DEUP1: variants seen among roughly 807,000 people sequenced by gnomAD.
The protein encoded by DEUP1 is deuterosome assembly protein 1, also known as coiled-coil domain containing 67.
In DEUP1, 82 loss-of-function variants were observed where a neutral mutation model predicts 87.4. That is an observed-to-expected ratio of 0.94 (90% confidence interval 0.78 to 1.13). The LOEUF is 1.13. DEUP1 is among the 50% of genes most tolerant of loss of function. The pLI is 0.00. For synonymous variants in DEUP1, 214 were observed against 222.7 expected, an observed-to-expected ratio of 0.96 and a Z score of 0.35; for missense variants, 663 against 681.5, an observed-to-expected ratio of 0.97 and a Z score of 0.30.
upstream of DEUP1, chr11:93,330,226 GCCACTT>G (rs1254490181): frequency 6.6e-6 from 1 of 152,154 alleles, no homozygotes; most frequent in African/African-American, 2.4e-5. Context: ...TCTTTTTCAT[GCCACTT>G]CAAATTTGGG....
intron 2 of DEUP1, among the ~76,000 whole-genome samples, chr11:93,348,239 T>C (rs1565296762): frequency 6.6e-6 from 1 of 152,194 alleles, no homozygotes; most frequent in Non-Finnish European, 1.5e-5. Flanking sequence ...TCTCTTTTCT[T>C]CTTTGTCTAG....
At position 93,437,743 on chromosome 11, in the gene DEUP1, T is replaced by TCCCCCCCCCCCCC. The variant is rs5793640; in HGVS notation, c.*33_*34insCCCCCCCCCCCCC. The TCCCCCCCCCCCCC allele has an allele frequency of 3.5e-6, 3 of 862,312 alleles. No individual in the cohort carries two copies. Among genetic ancestry groups the TCCCCCCCCCCCCC allele is most frequent in the African/African-American group, 4.1e-5 (2 of 48,994 alleles). The allele number at this position is 862,312 out of a possible 1,614,324, so 53.4% of individuals were successfully genotyped here. On this transcript the variant is annotated 3_prime_UTR_variant, in exon 14 of 14. Coordinates refer to ENST00000298050, the MANE Select transcript of DEUP1 (RefSeq NM_181645.4). ...GAGCTTTTAAACTTTTTTATTTGCT[T>TCCCCCCCCCCCCC]CCCCCCCCCACCCCCGCCAAGAAAA...
chr11:93,372,398 G>C (rs1387107398), intron 7 of DEUP1, among the ~76,000 whole-genome samples: 2 of 151,994 alleles, frequency 1.3e-5, no homozygotes, highest in Non-Finnish European at 2.9e-5. Flanking sequence ...ACATGATTGA[G>C]GTAAGGTCAC....
At chr11:93,346,446 C>T (rs566981665) in intron 2 of DEUP1, among the ~76,000 whole-genome samples, 24 of 152,244 alleles carry the variant, frequency 1.6e-4, no homozygotes, top group Non-Finnish European at 2.8e-4. Flanking sequence ...AGGCTGGTTT[C>T]GAACTCCTGA....
Position 93,437,684 on chromosome 11 carries a change from A to G in DEUP1, c.1780A>G (p.Lys594Glu), listed in dbSNP as rs1279726049. Residue 594 changes from lysine (K) to glutamate (E), a missense_variant, in exon 14 of 14, where the codon AAA (lysine) becomes GAA (glutamate). Lys to Glu is a moderately conservative substitution (Grantham distance 56, BLOSUM62 1). Transcript: ENST00000298050. ...LQRHTEFTLN[K>E]YSKLKQNRHI ...AAGACACACAGAATTTACTCTTAAT[A>G]AATACTCCAAGCTAAAACAAAATAG... 1.3e-6 allele frequency: 2 copies of G among 1,598,366 alleles called. No individual in the cohort carries two copies. The highest frequency in any genetic ancestry group is 2.7e-5 in the African/African-American group (2 of 74,596).
At chr11:93,434,869 G>T (rs577412037) in intron 13 of DEUP1, among the ~76,000 whole-genome samples, 1 of 152,270 alleles carries the variant, frequency 6.6e-6, no homozygotes, top group Non-Finnish European at 1.5e-5. Flanking sequence ...ACATCCTGAA[G>T]AATGGCACCC....
Position 93,370,132 on chromosome 11 carries a change from G to A in DEUP1, c.492G>A (p.Leu164=), listed in dbSNP as rs768604433. 6.2e-7 allele frequency: 1 copy of A among 1,606,774 alleles called. No individual in the cohort carries two copies. The highest frequency in any genetic ancestry group is 8.5e-7 in the Non-Finnish European group (1 of 1,175,330). ...AAGAGATATTATATCAGACTCATCT[G>A]ATTTCTTTAGATGCTCAACAAAAAT... is the stretch of plus-strand genomic sequence containing the variant. ...DKQEILYQTH[L]ISLDAQQKLL... is the part of the protein sequence containing the mutation. Residue 164 remains leucine, a synonymous_variant, in exon 6 of 14, where the codon CTG becomes CTA. Transcript: ENST00000298050.
chr11:93,333,588 G>A (rs1262571195), intron 2 of DEUP1, among the ~76,000 whole-genome samples: 1 of 152,202 alleles, frequency 6.6e-6, no homozygotes, highest in African/African-American at 2.4e-5. Context: ...CATATGACCA[G>A]ATGAAGCTTA....
At chr11:93,337,265 C>T (rs888995475) in intron 2 of DEUP1, among the ~76,000 whole-genome samples, 5 of 152,148 alleles carry the variant, frequency 3.3e-5, no homozygotes, top group African/African-American at 9.7e-5. Context: ...ATATATTAAT[C>T]ATCTTTACTT....
intron 8 of DEUP1, among the ~76,000 whole-genome samples, chr11:93,386,443 A>T (rs1226516043): frequency 6.6e-6 from 1 of 152,190 alleles, no homozygotes; most frequent in Non-Finnish European, 1.5e-5. Flanking sequence ...ATTCTCATAG[A>T]ACTTGAATCT....
Position 93,355,548 on chromosome 11 carries a change from G to T in DEUP1, c.201+6G>T, listed in dbSNP as rs780157573. The stretch of plus-strand genomic sequence containing the variant: ...TGGATCAGAAAGGTCAAGAGGTACT[G>T]AATACATATGTTAACAAATTGCTAA... On this transcript the variant is annotated splice_donor_region_variant and intron_variant, in intron 3 of 13. Coordinates refer to ENST00000298050, the MANE Select transcript of DEUP1 (RefSeq NM_181645.4). 4 of 1,600,822 alleles carry T rather than the reference G, an allele frequency of 2.5e-6. No individual in the cohort carries two copies. In the African/African-American group the frequency reaches 5.4e-5, roughly 22 times the overall value.
intron 2 of DEUP1, among the ~76,000 whole-genome samples, chr11:93,347,031 T>C (rs990492525): frequency 2.6e-5 from 4 of 152,300 alleles, no homozygotes; most frequent in Non-Finnish European, 5.9e-5. Flanking sequence ...GGATGCCCTT[T>C]ATTTCTTTCC....
intron 12 of DEUP1, among the ~76,000 whole-genome samples, chr11:93,409,088 C>T (rs902671239): frequency 7.2e-5 from 11 of 152,198 alleles, no homozygotes; most frequent in African/African-American, 1.9e-4. Context: ...AACTCCTGAC[C>T]GCAAGTGATC....
chr11:93,410,075 C>G (rs187722699), intron 12 of DEUP1, among the ~76,000 whole-genome samples: 1 of 152,194 alleles, frequency 6.6e-6, no homozygotes, highest in East Asian at 1.9e-4. Context: ...CAACATAAAA[C>G]AGATGTTCAA....
intron 9 of DEUP1, among the ~76,000 whole-genome samples, chr11:93,391,156 CTATG>C (rs1394159293): frequency 1.3e-5 from 2 of 151,240 alleles, no homozygotes; most frequent in African/African-American, 4.9e-5. Context: ...CTAACAAGAG[CTATG>C]TATTATGAAT....
chr11:93,371,838 T>C lies in DEUP1; in HGVS notation c.789+558T>C, dbSNP rs112456644. ...TTTTTTCTTAACTGAATAATGTTTT[T>C]TTCTTTTTTGTCTATTTCTTGCAAC... On this transcript the variant is annotated intron_variant, in intron 7 of 13. Coordinates refer to ENST00000298050, the MANE Select transcript of DEUP1 (RefSeq NM_181645.4). Among the ~76,000 whole-genome samples, 222 of 152,374 alleles carry C rather than the reference T, an allele frequency of 1.5e-3. 1 individual carries two copies. The highest frequency in any genetic ancestry group is 5.1e-3 in the African/African-American group (212 of 41,600).
intron 7 of DEUP1, among the ~76,000 whole-genome samples, chr11:93,373,354 C>A (rs969469915): frequency 6.6e-6 from 1 of 152,044 alleles, no homozygotes; most frequent in East Asian, 1.9e-4. Context: ...TTCACCACCC[C>A]CAACCCTTTC....
At chr11:93,331,381 T>C (rs1424725946) in intron 1 of DEUP1, among the ~76,000 whole-genome samples, 1 of 151,362 alleles carries the variant, frequency 6.6e-6, no homozygotes, top group African/African-American at 2.4e-5. Flanking sequence ...TTTTTTTTTT[T>C]ACTTTAGGCA....
chr11:93,405,802 A>C (rs1947255760), intron 11 of DEUP1, among the ~76,000 whole-genome samples: 1 of 151,954 alleles, frequency 6.6e-6, no homozygotes, highest in Non-Finnish European at 1.5e-5. Flanking sequence ...AAAGGCACTC[A>C]AAGCTTTAAG....
Sources: gnomAD v4.1 joint callset for allele counts (sites outside exome capture counted in the v4.1 genomes callset) on GRCh38, gnomAD v4.1.1 for gene constraint, MANE v1.5 for transcripts, NCBI Gene and HGNC (gene_info 2026-07-23, HGNC 2026-07-21) for gene names.